NBEA: variants seen among roughly 807,000 people sequenced by gnomAD.
NBEA encodes lysosomal-trafficking regulator 2.
Under a neutral mutation model 343.4 loss-of-function variants are expected in NBEA, and 44 were observed. The ratio of observed to expected loss-of-function variants is 0.13; its 90% CI spans 0.10 to 0.16. The LOEUF is 0.16. Among genes scored for constraint, NBEA ranks in the 10% least tolerant of loss-of-function variants. The pLI, the probability that NBEA is intolerant of heterozygous loss-of-function variation, is 1.00. For synonymous variants in NBEA, 1,175 were observed against 1,238.7 expected (o/e 0.95, Z 1.08); for missense variants, 2,555 against 3,631.3 (o/e 0.70, Z 7.62).
chr13:34,992,238 G>GTATATATATATA (rs60959090), intron 1 of NBEA, among the ~76,000 whole-genome samples: 6 of 122,132 alleles, frequency 4.9e-5, no homozygotes, highest in African/African-American at 1.5e-4. Flanking sequence ...GTGTGTGTGT[G>GTATATATATATA]TATATATATA....
At chr13:35,523,769 G>C (rs1190764606) in intron 41 of NBEA, among the ~76,000 whole-genome samples, 1 of 151,924 alleles carries the variant, frequency 6.6e-6, no homozygotes, top group South Asian at 2.1e-4. Flanking sequence ...AAAAATATTT[G>C]CCAGGGATTT....
chr13:35,505,016 G>T (rs1315964219), intron 41 of NBEA, among the ~76,000 whole-genome samples: 1 of 152,002 alleles, frequency 6.6e-6, no homozygotes, highest in Non-Finnish European at 1.5e-5. Context: ...TTACTGGCTT[G>T]TATTAATTTA....
chr13:35,325,984 C>T (rs982706720), intron 36 of NBEA, among the ~76,000 whole-genome samples: 6 of 151,964 alleles, frequency 3.9e-5, no homozygotes, highest in African/African-American at 1.4e-4. Context: ...AGCTTTATCT[C>T]TGGGTTTTTT....
chr13:35,303,707 T>C (rs2036701238), intron 35 of NBEA, among the ~76,000 whole-genome samples: 1 of 152,204 alleles, frequency 6.6e-6, no homozygotes, highest in African/African-American at 2.4e-5. Flanking sequence ...CTTTCATCTC[T>C]TGTAATCTTT....
chr13:35,629,221 A>T (rs1593411775), intron 49 of NBEA, among the ~76,000 whole-genome samples: 1 of 152,220 alleles, frequency 6.6e-6, no homozygotes, highest in East Asian at 1.9e-4. Context: ...GTGATATCCC[A>T]GTCTTCCATT....
In NBEA at chr13:35,422,512, T is replaced by C. The variant is rs996294466; in HGVS notation, c.6180-9757T>C. On this transcript the variant is annotated intron_variant, in intron 38 of 58. Transcript: ENST00000379939. ...TTTATGGCTGCATAGTATTCCATGG[T>C]GTATATGTGCCACATTTTCTTAATC... Among the ~76,000 whole-genome samples, 106 of 152,250 alleles carry C rather than the reference T, an allele frequency of 7.0e-4. 1 individual carries two copies. The highest frequency in any genetic ancestry group is 2.3e-3 in the African/African-American group (97 of 41,532).
intron 38 of NBEA, among the ~76,000 whole-genome samples, chr13:35,396,172 G>A (rs1261146899): frequency 2.0e-5 from 3 of 152,044 alleles, no homozygotes; most frequent in Non-Finnish European, 4.4e-5. Context: ...TGGGGTTGTA[G>A]GTGCATGCCA....
intron 38 of NBEA, among the ~76,000 whole-genome samples, chr13:35,373,665 A>G (rs1179321318): frequency 6.6e-6 from 1 of 151,812 alleles, no homozygotes; most frequent in East Asian, 1.9e-4. Flanking sequence ...TGATGGCGCC[A>G]CTGCACTCCA....
intron 49 of NBEA, among the ~76,000 whole-genome samples, chr13:35,632,711 A>G (rs967141545): frequency 6.6e-6 from 1 of 151,932 alleles, no homozygotes; most frequent in African/African-American, 2.4e-5. Context: ...CTCCCACCTC[A>G]GCCTCCCAAG....
intron 33 of NBEA, among the ~76,000 whole-genome samples, chr13:35,226,731 CTT>C (rs2074675542): frequency 7.2e-6 from 1 of 139,202 alleles, no homozygotes; most frequent in Non-Finnish European, 1.5e-5. Flanking sequence ...CTCCAAAAAA[CTT>C]TTCTAAGTTG....
chr13:35,110,693 A>G, intron 12 of NBEA, 117 bp from the exon 13 acceptor site: 1 of 665,086 alleles, frequency 1.5e-6, no homozygotes, highest in Non-Finnish European at 2.3e-6. Context: ...ACCTCATAAT[A>G]AATGGTCATT....
At chr13:35,067,567 C>A (rs1298259610) in intron 8 of NBEA, among the ~76,000 whole-genome samples, 2 of 152,012 alleles carry the variant, frequency 1.3e-5, no homozygotes, top group African/African-American at 4.8e-5. Flanking sequence ...TTCTATCACC[C>A]CAGAAGGATC....
At chr13:35,508,902 G>C in intron 41 of NBEA, among the ~76,000 whole-genome samples, 1 of 152,150 alleles carries the variant, frequency 6.6e-6, no homozygotes, top group East Asian at 1.9e-4. Context: ...GAGATTCCAT[G>C]GCTAAACTGG....
At chr13:35,318,399 A>G (rs1342882896) in intron 36 of NBEA, among the ~76,000 whole-genome samples, 1 of 152,206 alleles carries the variant, frequency 6.6e-6, no homozygotes, top group Non-Finnish European at 1.5e-5. Context: ...GTAATGGATT[A>G]CATTTATTGA....
chr13:35,219,853 T>G (rs568148207), intron 33 of NBEA, among the ~76,000 whole-genome samples: 1 of 152,256 alleles, frequency 6.6e-6, no homozygotes, highest in South Asian at 2.1e-4. Flanking sequence ...TATTCATATC[T>G]TCAACTGACT....
chr13:35,653,610 C>T (rs371642689), intron 53 of NBEA, among the ~76,000 whole-genome samples: 11 of 152,128 alleles, frequency 7.2e-5, no homozygotes, highest in African/African-American at 2.4e-4. Context: ...GGATTACAGA[C>T]GTGAGCCACC....
At chr13:35,152,011 A>G (rs911285482) in intron 18 of NBEA, among the ~76,000 whole-genome samples, 3 of 152,096 alleles carry the variant, frequency 2.0e-5, no homozygotes, top group Admixed American at 6.6e-5. Flanking sequence ...AATCTCAGCA[A>G]TAATATCTGT....
intron 38 of NBEA, among the ~76,000 whole-genome samples, chr13:35,373,002 C>T (rs1250686680): frequency 6.6e-6 from 1 of 152,112 alleles, no homozygotes; most frequent in African/African-American, 2.4e-5. Flanking sequence ...TAGGCAGCTT[C>T]TTGTTTTATT....
chr13:35,278,279 G>T (rs912719735), intron 34 of NBEA, among the ~76,000 whole-genome samples: 1 of 151,726 alleles, frequency 6.6e-6, no homozygotes, highest in Non-Finnish European at 1.5e-5. Context: ...AACAATGGAA[G>T]AAAAAAGGAT....
Sources: allele counts gnomAD v4.1 joint callset (sites outside exome capture counted in the v4.1 genomes callset), GRCh38; gene constraint gnomAD v4.1.1; transcripts MANE v1.5; gene names NCBI Gene and HGNC (gene_info 2026-07-23, HGNC 2026-07-21).